SLMAP: variants seen among roughly 807,000 people sequenced by gnomAD.
SLMAP encodes the protein sarcolemmal membrane-associated protein.
SLMAP carries 44 observed loss-of-function variants against 128.8 expected under a neutral mutation model. That is an observed-to-expected ratio of 0.34 (90% CI 0.27 to 0.44). The LOEUF (loss-of-function observed/expected upper bound fraction) is 0.44. Ranked by LOEUF, SLMAP falls within the 20% of genes least tolerant of loss-of-function variation. The pLI, the probability that SLMAP is intolerant of heterozygous loss-of-function variation, is 1.00. For synonymous variants in SLMAP, 327 were observed against 348.8 expected, an observed-to-expected ratio of 0.94 and a Z score of 0.70; for missense variants, 787 against 985.3, an observed-to-expected ratio of 0.80 and a Z score of 2.69.
chr3:57,769,204 T>A (rs1465829406), intron 2 of SLMAP, among the ~76,000 whole-genome samples: 1 of 152,178 alleles, frequency 6.6e-6, no homozygotes, highest in African/African-American at 2.4e-5. Flanking sequence ...TATTTTATTT[T>A]TTTTTTGAGA....
At chr3:57,884,226 G>A (rs1159723863) in intron 14 of SLMAP, among the ~76,000 whole-genome samples, 1 of 152,112 alleles carries the variant, frequency 6.6e-6, no homozygotes, top group Non-Finnish European at 1.5e-5. Context: ...ACCACACCAG[G>A]CTGATACTTT....
intron 2 of SLMAP, among the ~76,000 whole-genome samples, chr3:57,816,660 A>G (rs1487697834): frequency 6.6e-6 from 1 of 152,244 alleles, no homozygotes; most frequent in Non-Finnish European, 1.5e-5. Flanking sequence ...ATCAGATTAT[A>G]GTGCTACTCA....
In SLMAP at chr3:57,928,012, C is replaced by G. The variant is rs960067983; in HGVS notation, c.*723C>G. ...ATGGTGATAATTTGGGGAATATGTG[C>G]ACGCTTGTTCAGCCTTAATGTGACT... On this transcript the variant is annotated 3_prime_UTR_variant, in exon 25 of 25. Transcript: ENST00000671191. 2.0e-5 allele frequency: 3 copies of G among 152,180 alleles called. No homozygotes were observed. The allele number at this position is 152,180 out of a possible 1,614,324, so 9.4% of individuals were successfully genotyped here.
chr3:57,801,696 G>T (rs373417145), intron 2 of SLMAP, among the ~76,000 whole-genome samples: 2 of 146,818 alleles, frequency 1.4e-5, no homozygotes, highest in African/African-American at 5.1e-5. Flanking sequence ...TCTTAATACC[G>T]TGATCTTTAT....
intron 19 of SLMAP, among the ~76,000 whole-genome samples, chr3:57,910,218 G>A (rs1384040316): frequency 6.6e-6 from 1 of 151,930 alleles, no homozygotes; most frequent in Non-Finnish European, 1.5e-5. Flanking sequence ...TTGAGACATA[G>A]TCTTGCTCTG....
intron 21 of SLMAP, among the ~76,000 whole-genome samples, chr3:57,915,492 T>A (rs2096791455): frequency 6.6e-6 from 1 of 152,228 alleles, no homozygotes; most frequent in Non-Finnish European, 1.5e-5. Context: ...TAGAAGCTAG[T>A]CTTCCTTTAC....
At chr3:57,878,043 A>G (rs2095646112) in intron 14 of SLMAP, among the ~76,000 whole-genome samples, 1 of 151,488 alleles carries the variant, frequency 6.6e-6, no homozygotes, top group African/African-American at 2.4e-5. Flanking sequence ...GGGTTTCACC[A>G]TGTTGGCCAG....
chr3:57,859,542 G>A (rs1226118678), intron 8 of SLMAP, among the ~76,000 whole-genome samples: 1 of 152,090 alleles, frequency 6.6e-6, no homozygotes, highest in Non-Finnish European at 1.5e-5. Context: ...GTGACAAAGA[G>A]AGACCCTGTC....
chr3:57,870,419 T>C (rs1367850315), intron 13 of SLMAP, among the ~76,000 whole-genome samples: 1 of 152,158 alleles, frequency 6.6e-6, no homozygotes, highest in East Asian at 1.9e-4. Context: ...ATTGTATCAC[T>C]ATATAGTATT....
intron 17 of SLMAP, among the ~76,000 whole-genome samples, chr3:57,907,252 C>T (rs2096592306): frequency 1.3e-5 from 2 of 152,186 alleles, no homozygotes; most frequent in South Asian, 2.1e-4. Context: ...TGGTCTCGAT[C>T]TCCTGACCTC....
At chr3:57,926,631 A>T (rs1159762703) in intron 24 of SLMAP, among the ~76,000 whole-genome samples, 2 of 152,210 alleles carry the variant, frequency 1.3e-5, no homozygotes, top group African/African-American at 4.8e-5. Context: ...AAGCCCTCTA[A>T]AAGCTAGCAG....
chr3:57,894,538 A>G (rs1217170903), intron 15 of SLMAP, among the ~76,000 whole-genome samples: 1 of 152,260 alleles, frequency 6.6e-6, no homozygotes, highest in Non-Finnish European at 1.5e-5. Flanking sequence ...AACATTATAA[A>G]AATATATGCT....
intron 2 of SLMAP, among the ~76,000 whole-genome samples, chr3:57,813,315 C>T (rs1335730359): frequency 1.3e-5 from 2 of 152,044 alleles, no homozygotes; most frequent in South Asian, 2.1e-4. Context: ...GGGTTGGTCT[C>T]GAACTCCTGG....
intron 8 of SLMAP, among the ~76,000 whole-genome samples, chr3:57,859,951 A>G (rs1392780363): frequency 1.3e-5 from 2 of 152,228 alleles, no homozygotes; most frequent in South Asian, 2.1e-4. Context: ...TTTCAGAATA[A>G]TGAATTGGTG....
chr3:57,839,393 C>T (rs1049766808), intron 3 of SLMAP, among the ~76,000 whole-genome samples: 11 of 149,078 alleles, frequency 7.4e-5, no homozygotes, highest in Admixed American at 2.0e-4. Context: ...CTTGATGATT[C>T]GTCGGCCTGA....
chr3:57,867,962 G>A (rs1463710307), intron 13 of SLMAP, among the ~76,000 whole-genome samples: 3 of 152,110 alleles, frequency 2.0e-5, no homozygotes, highest in Admixed American at 6.6e-5. Context: ...GGACAGTGTT[G>A]TCCGAAATAA....
chr3:57,909,274 G>C (rs2096637001), intron 19 of SLMAP, 124 bp downstream of exon 19: 1 of 660,504 alleles, frequency 1.5e-6, no homozygotes, highest in Admixed American at 2.7e-5. Flanking sequence ...GGCCGAGAAG[G>C]GTGGATCTCC....
intron 15 of SLMAP, 68 bp downstream of exon 15, chr3:57,890,168 A>G (rs937309219): frequency 1.3e-6 from 2 of 1,489,946 alleles, no homozygotes; most frequent in African/African-American, 1.4e-5. Context: ...GTATATTTTC[A>G]AGGTTATAGT....
intron 15 of SLMAP, among the ~76,000 whole-genome samples, chr3:57,893,236 C>A (rs2096141122): frequency 6.6e-6 from 1 of 151,986 alleles, no homozygotes; most frequent in Non-Finnish European, 1.5e-5. Context: ...ACATTCCAGC[C>A]TGGGCAACAT....
Sources: gnomAD v4.1 joint callset for allele counts (sites outside exome capture counted in the v4.1 genomes callset) on GRCh38, gnomAD v4.1.1 for gene constraint, MANE v1.5 for transcripts, NCBI Gene and HGNC (gene_info 2026-07-23, HGNC 2026-07-21) for gene names.